The following KCND3 variants were observed in gnomAD, a reference collection of about 807,000 sequenced individuals.
KCND3 encodes A-type voltage-gated potassium channel KCND3.
KCND3 carries 9 observed loss-of-function variants against 51.1 expected under a neutral mutation model. That is an observed-to-expected ratio of 0.18 (90% CI 0.11 to 0.31). The LOEUF is 0.31. Ranked by LOEUF, KCND3 falls within the 10% of genes least tolerant of loss-of-function variation. The probability of loss-of-function intolerance (pLI) is 1.00; values close to 1 mark genes in which losing one functional copy is unlikely to be tolerated. For missense variants in KCND3, 526 were observed against 903.8 expected (o/e 0.58, Z 5.36); for synonymous variants, 349 against 368.0 (o/e 0.95, Z 0.59).
At chr1:111,928,194 C>T (rs575159644) in intron 2 of KCND3, among the ~76,000 whole-genome samples, 4 of 152,234 alleles carry the variant, frequency 2.6e-5, no homozygotes, top group Middle Eastern at 6.8e-3. Flanking sequence ...TGCTGTATCA[C>T]CAAATGATTA....
intron 2 of KCND3, among the ~76,000 whole-genome samples, chr1:111,792,591 AG>A (rs1354368611): frequency 1.3e-5 from 2 of 152,168 alleles, no homozygotes; most frequent in African/African-American, 4.8e-5. Context: ...CAGGCTACCC[AG>A]GGCAAATCCT....
At chr1:111,829,010 G>T (rs1220164504) in intron 2 of KCND3, among the ~76,000 whole-genome samples, 1 of 152,182 alleles carries the variant, frequency 6.6e-6, no homozygotes, top group Non-Finnish European at 1.5e-5. Context: ...TCATTCAGGA[G>T]CCACCCGCGA....
chr1:111,928,025 G>T (rs1671791027), intron 2 of KCND3, among the ~76,000 whole-genome samples: 2 of 151,820 alleles, frequency 1.3e-5, no homozygotes, highest in Non-Finnish European at 2.9e-5. Context: ...CCAGGCCCCT[G>T]CCACTCTCCA....
chr1:111,899,984 A>AT (rs1462572019), intron 2 of KCND3, among the ~76,000 whole-genome samples: 2 of 152,196 alleles, frequency 1.3e-5, no homozygotes, highest in Non-Finnish European at 2.9e-5. Flanking sequence ...TGATCGGGGC[A>AT]TTACAAAGCA....
In KCND3 at chr1:111,771,844, C is replaced by T. The variant is rs149829996; in HGVS notation, c.*4233G>A. ...TTGGTCTTTTGAAAGGGAGTCTATG[C>T]AGTTAGTCCTGAGCTTGGCACTAGT... On this transcript the variant is annotated 3_prime_UTR_variant, in exon 8 of 8. Transcript: ENST00000302127. 6.6e-6 allele frequency: 1 copy of T among 152,196 alleles called. No individual in the cohort carries two copies. The highest frequency in any genetic ancestry group is 1.9e-4 in the East Asian group (1 of 5,178). The allele number at this position is 152,196 out of a possible 1,614,324, so 9.4% of individuals were successfully genotyped here. A position where few individuals can be genotyped will look rare whatever the true frequency, so the allele number is the denominator to read the frequency against.
chr1:111,937,108 G>A (rs1301182363), intron 2 of KCND3, among the ~76,000 whole-genome samples: 1 of 152,148 alleles, frequency 6.6e-6, no homozygotes, highest in African/African-American at 2.4e-5. Context: ...GGGAGAGGGA[G>A]TTGTCTGGGT....
intron 2 of KCND3, among the ~76,000 whole-genome samples, chr1:111,809,875 A>G (rs1571674034): frequency 6.6e-6 from 1 of 152,158 alleles, no homozygotes; most frequent in Non-Finnish European, 1.5e-5. Flanking sequence ...ATTTCTCTTG[A>G]TGGCTCCTCT....
intron 2 of KCND3, among the ~76,000 whole-genome samples, chr1:111,979,574 G>A (rs1674826805): frequency 6.6e-6 from 1 of 152,176 alleles, no homozygotes; most frequent in East Asian, 1.9e-4. Flanking sequence ...ATGGGAATGA[G>A]TAGTAGGGTG....
intron 2 of KCND3, among the ~76,000 whole-genome samples, chr1:111,793,430 G>C (rs911483110): frequency 3.9e-5 from 6 of 152,126 alleles, no homozygotes; most frequent in African/African-American, 1.4e-4. Flanking sequence ...GCCCGCCTCA[G>C]CCTCCCAAAG....
At chr1:111,960,219 C>T (rs973846003) in intron 2 of KCND3, among the ~76,000 whole-genome samples, 1 of 152,136 alleles carries the variant, frequency 6.6e-6, no homozygotes, top group Non-Finnish European at 1.5e-5. Context: ...CAAAGCCCTC[C>T]ATACCCAATG....
At chr1:111,862,974 T>C (rs1668402430) in intron 2 of KCND3, among the ~76,000 whole-genome samples, 3 of 152,232 alleles carry the variant, frequency 2.0e-5, no homozygotes, top group African/African-American at 7.2e-5. Context: ...ACCTTGGCAC[T>C]GGACATTTGA....
intron 2 of KCND3, among the ~76,000 whole-genome samples, chr1:111,838,867 T>C (rs1667197138): frequency 6.6e-6 from 1 of 152,192 alleles, no homozygotes; most frequent in South Asian, 2.1e-4. Context: ...CTCTGTATTT[T>C]ACTCACAATG....
rs572938617 is a variant in KCND3 at position 111,863,858 on chromosome 1, G to C, written c.1107-76752C>G. On this transcript the variant is annotated intron_variant, in intron 2 of 7. Transcript: ENST00000302127. The stretch of plus-strand genomic sequence containing the variant: ...CAACTGAGTAATCCAGGGGAGAAAT[G>C]ATGAGGGGGGTTAACTAAAAAGTAG... Among the ~76,000 whole-genome samples, 6 of 152,306 alleles carry C rather than the reference G, an allele frequency of 3.9e-5. No homozygotes were observed. The East Asian group carries it at 9.6e-4, about 24-fold the overall frequency.
At chr1:111,968,739 C>T (rs987716109) in intron 2 of KCND3, among the ~76,000 whole-genome samples, 17 of 152,182 alleles carry the variant, frequency 1.1e-4, no homozygotes, top group African/African-American at 3.4e-4. Flanking sequence ...ACAGGCTCCC[C>T]CACCTGGTCC....
At chr1:111,969,039 G>A (rs1197858140) in intron 2 of KCND3, among the ~76,000 whole-genome samples, 2 of 151,790 alleles carry the variant, frequency 1.3e-5, no homozygotes, top group African/African-American at 4.8e-5. Context: ...GCAAAAACAC[G>A]AAGTTTATAA....
At chr1:111,825,307 T>C (rs144429260) in intron 2 of KCND3, among the ~76,000 whole-genome samples, 13 of 152,280 alleles carry the variant, frequency 8.5e-5, no homozygotes, top group Admixed American at 5.2e-4. Context: ...CTTCCTACTT[T>C]GTGGCACAAT....
At chr1:111,883,121 G>A (rs550562720) in intron 2 of KCND3, among the ~76,000 whole-genome samples, 2 of 152,364 alleles carry the variant, frequency 1.3e-5, no homozygotes, top group Admixed American at 1.3e-4. Context: ...AGACAAGGCC[G>A]TTGACAACTG....
chr1:111,816,621 G>A (rs1015676975), intron 2 of KCND3, among the ~76,000 whole-genome samples: 4 of 152,186 alleles, frequency 2.6e-5, no homozygotes, highest in Admixed American at 6.5e-5. Context: ...CGCTTCTACT[G>A]TGTCTTCATT....
chr1:111,933,634 G>A (rs1439504439), intron 2 of KCND3, among the ~76,000 whole-genome samples: 1 of 152,194 alleles, frequency 6.6e-6, no homozygotes, highest in African/African-American at 2.4e-5. Flanking sequence ...CAAATCAAGA[G>A]TGGCATGCAT....
Sources: gnomAD v4.1 joint callset for allele counts (sites outside exome capture counted in the v4.1 genomes callset) on GRCh38, gnomAD v4.1.1 for gene constraint, MANE v1.5 for transcripts, NCBI Gene and HGNC (gene_info 2026-07-23, HGNC 2026-07-21) for gene names.